Variants in ASCC2 observed in about 807,000 individuals in gnomAD.
The protein encoded by ASCC2 is ASC-1 complex subunit P100.
In ASCC2, 42 loss-of-function variants were observed where a neutral mutation model predicts 93.5. The observed-to-expected ratio is 0.45, with a 90% CI of 0.35 to 0.58. ASCC2 has a LOEUF of 0.58. Among genes scored for constraint, ASCC2 ranks in the 20% least tolerant of loss-of-function variants. ASCC2 has a pLI of 0.00. For missense variants in ASCC2, 859 were observed against 977.6 expected (o/e 0.88, Z 1.62); for synonymous variants, 364 against 384.2 (o/e 0.95, Z 0.62).
intron 1 of ASCC2, chr22:29,833,577 T>C (rs1290027543): frequency 2.1e-6 from 1 of 471,106 alleles, no homozygotes; most frequent in South Asian, 1.5e-5. Flanking sequence ...AGGTCTCCTG[T>C]CTTGCTGTCC....
In ASCC2 at chr22:29,832,273, G is replaced by C. The variant is rs745891804; in HGVS notation, c.53C>G (p.Thr18Arg). ...QLQITHKDPK[T>R]GKLRTSPALH... Reference sequence around the variant, plus strand: ...CGCTGGTGAAGTCCTCAGCTTTCCTGTCTTCGGGTCCTTGTGGGTGATCTG... The same window carrying C: ...CGCTGGTGAAGTCCTCAGCTTTCCTCTCTTCGGGTCCTTGTGGGTGATCTG... The change falls in exon 2 of 20, where the codon ACA (threonine) becomes AGA (arginine). Residue 18 changes from threonine (T) to arginine (R), a missense_variant. Coordinates refer to ENST00000307790, the MANE Select transcript of ASCC2 (RefSeq NM_032204.5). 3.7e-6 allele frequency: 6 copies of C among 1,614,056 alleles called. No individual in the cohort carries two copies. Among genetic ancestry groups the C allele is most frequent in the Non-Finnish European group, 4.2e-6 (5 of 1,179,956 alleles).
At chr22:29,821,477 A>G (rs1057314598) in intron 5 of ASCC2, among the ~76,000 whole-genome samples, 11 of 152,222 alleles carry the variant, frequency 7.2e-5, no homozygotes, top group Admixed American at 3.3e-4. Flanking sequence ...CCTACATTTT[A>G]ACCTCAGTTT....
intron 8 of ASCC2, chr22:29,810,344 C>T (rs960906304): frequency 1.1e-4 from 17 of 152,228 alleles, no homozygotes; most frequent in African/African-American, 4.1e-4. Context: ...GGAACTGCAG[C>T]TTAAGTGTCT....
At chr22:29,805,540 C>T (rs1236993310) in intron 12 of ASCC2, among the ~76,000 whole-genome samples, 1 of 152,182 alleles carries the variant, frequency 6.6e-6, no homozygotes, top group Non-Finnish European at 1.5e-5. Flanking sequence ...ACCTTCCGCG[C>T]TCCCCAGCGC....
intron 18 of ASCC2, among the ~76,000 whole-genome samples, chr22:29,791,240 G>A (rs1415065556): frequency 6.6e-6 from 1 of 152,142 alleles, no homozygotes; most frequent in African/African-American, 2.4e-5. Flanking sequence ...AGCCAGGCGT[G>A]GTGGTGTGAG....
intron 17 of ASCC2, among the ~76,000 whole-genome samples, chr22:29,792,966 G>A (rs913410878): frequency 1.3e-5 from 2 of 152,130 alleles, no homozygotes; most frequent in Non-Finnish European, 2.9e-5. Flanking sequence ...GCAACATAGT[G>A]AGAACCCCAC....
At chr22:29,830,705 C>T (rs1471952030) in intron 2 of ASCC2, among the ~76,000 whole-genome samples, 1 of 152,204 alleles carries the variant, frequency 6.6e-6, no homozygotes, top group East Asian at 1.9e-4. Flanking sequence ...CTGTCTTTCT[C>T]TTAGGTCGTG....
rs190866027 is a variant in ASCC2, at chr22:29,794,261, A to T, written c.1689-585T>A. Reference sequence around the variant, plus strand: ...GTAATCCCAACACTTTGGGAGGCCGAGGCGGGTGGATCACAAGGTCAGGAG... The same window carrying T: ...GTAATCCCAACACTTTGGGAGGCCGTGGCGGGTGGATCACAAGGTCAGGAG... On this transcript the variant is annotated intron_variant, in intron 15 of 19. Transcript: ENST00000307790. Among the ~76,000 whole-genome samples the T allele has an allele frequency of 8.0e-3, 1,221 of 151,848 alleles. 10 individuals carry two copies. Among genetic ancestry groups the T allele is most frequent in the African/African-American group, 0.027 (1,128 of 41,468 alleles).
intron 12 of ASCC2, among the ~76,000 whole-genome samples, chr22:29,805,061 A>C (rs1185034481): frequency 6.6e-6 from 1 of 152,154 alleles, no homozygotes; most frequent in Non-Finnish European, 1.5e-5. Context: ...CTCTGAGTAA[A>C]GACAGGGCCA....
At chr22:29,834,479 T>C (rs1275363022) in intron 1 of ASCC2, 1 of 470,940 alleles carries the variant, frequency 2.1e-6, no homozygotes, top group Non-Finnish European at 4.4e-6. Context: ...GTCTGCCTAG[T>C]CCTTGACACC....
At chr22:29,818,640 G>C (rs2061183960) in intron 5 of ASCC2, among the ~76,000 whole-genome samples, 1 of 152,078 alleles carries the variant, frequency 6.6e-6, no homozygotes, top group African/African-American at 2.4e-5. Flanking sequence ...ACATTTTTCT[G>C]GACAGAAGTT....
rs35763537 is a variant in ASCC2 at position 29,827,757 on chromosome 22, GACACACAC to G, written c.82-1985_82-1978del. Reference sequence around the variant, plus strand: ...CTCAGGCCAGGCTACTCATTCTCCCGACACACACACACACACACACACACACACACACA... The same window carrying G: ...CTCAGGCCAGGCTACTCATTCTCCCGACACACACACACACACACACACACA... On this transcript the variant is annotated intron_variant, in intron 2 of 19. Transcript: ENST00000307790. Among the ~76,000 whole-genome samples the G allele has an allele frequency of 3.9e-3, 396 of 100,988 alleles. 5 individuals are homozygous for G. The highest frequency in any genetic ancestry group is 0.01 in the Middle Eastern group (2 of 192). 66.3% of individuals were successfully genotyped at this position (100,988 alleles called of 152,430 possible). A position where few individuals can be genotyped will look rare whatever the true frequency, so the allele number is the denominator to read the frequency against.
At chr22:29,820,701 G>A (rs1191353212) in intron 5 of ASCC2, among the ~76,000 whole-genome samples, 2 of 151,714 alleles carry the variant, frequency 1.3e-5, no homozygotes, top group Non-Finnish European at 1.5e-5. Context: ...TTGGGAGGCC[G>A]AGGCGGGTGG....
intron 19 of ASCC2, among the ~76,000 whole-genome samples, chr22:29,789,730 C>T (rs140150): frequency 6.6e-6 from 1 of 152,058 alleles, no homozygotes; most frequent in Non-Finnish European, 1.5e-5. Context: ...TGGCTCCCCA[C>T]TGCCTTCAGA....
chr22:29,826,287 A>G (rs928521509), intron 2 of ASCC2, among the ~76,000 whole-genome samples: 45 of 151,866 alleles, frequency 3.0e-4, no homozygotes, highest in African/African-American at 1.0e-3. Context: ...AAAAAAAAAA[A>G]AGAACATATA....
At chr22:29,826,657 A>C (rs892694842) in intron 2 of ASCC2, among the ~76,000 whole-genome samples, 8 of 152,046 alleles carry the variant, frequency 5.3e-5, no homozygotes, top group Admixed American at 3.3e-4. Context: ...AATTTGACAC[A>C]AGCATCTTTT....
At chr22:29,803,756 C>G (rs73392892) in intron 13 of ASCC2, among the ~76,000 whole-genome samples, 2,548 of 152,304 alleles carry the variant, frequency 0.017, 76 homozygotes, top group African/African-American at 0.059. Flanking sequence ...ACCTCCATGA[C>G]TCTGCTAAGA....
At chr22:29,831,008 T>C (rs1377026619) in intron 2 of ASCC2, among the ~76,000 whole-genome samples, 4 of 152,226 alleles carry the variant, frequency 2.6e-5, no homozygotes, top group Admixed American at 2.6e-4. Context: ...TCTGCAATAA[T>C]ATAACTGCTC....
At chr22:29,796,753 T>G (rs981986105) in intron 15 of ASCC2, among the ~76,000 whole-genome samples, 5 of 152,146 alleles carry the variant, frequency 3.3e-5, no homozygotes, top group African/African-American at 1.2e-4. Flanking sequence ...GTGCCACTGG[T>G]AGGAGCACAC....
Sources: gnomAD v4.1 joint callset for allele counts (sites outside exome capture counted in the v4.1 genomes callset) on GRCh38, gnomAD v4.1.1 for gene constraint, MANE v1.5 for transcripts, NCBI Gene and HGNC (gene_info 2026-07-23, HGNC 2026-07-21) for gene names.